The following NALF1 variants were observed in gnomAD, a reference collection of about 807,000 sequenced individuals.
NALF1 encodes NALCN channel auxiliary factor 1.
Under a neutral mutation model 48.4 loss-of-function variants are expected in NALF1, and 3 were observed. That is an observed-to-expected ratio of 0.06 (90% CI 0.03 to 0.16). NALF1 has a LOEUF of 0.16. Ranked by LOEUF, NALF1 falls within the 10% of genes least tolerant of loss-of-function variation. The probability of loss-of-function intolerance (pLI) is 1.00; values close to 1 mark genes in which losing one functional copy is unlikely to be tolerated. For missense variants in NALF1, 526 were observed against 571.5 expected (o/e 0.92, Z 0.81); for synonymous variants, 262 against 245.7 (o/e 1.07, Z -0.62).
intron 1 of NALF1, among the ~76,000 whole-genome samples, chr13:107,707,346 G>C (rs534814861): frequency 2.0e-5 from 3 of 152,302 alleles, no homozygotes; most frequent in African/African-American, 7.2e-5. Context: ...AAGTGGTAAA[G>C]GGATTTAAGT....
intron 1 of NALF1, among the ~76,000 whole-genome samples, chr13:107,630,086 CCAT>C (rs1383135309): frequency 6.6e-6 from 1 of 152,072 alleles, no homozygotes; most frequent in Non-Finnish European, 1.5e-5. Context: ...GCCAGGTGTT[CCAT>C]TATTGGAACA....
At chr13:107,406,898 T>C in intron 1 of NALF1, among the ~76,000 whole-genome samples, 1 of 152,104 alleles carries the variant, frequency 6.6e-6, no homozygotes, top group African/African-American at 2.4e-5. Flanking sequence ...CAAAACAGCA[T>C]GGGACTGGTA....
At chr13:107,547,164 C>T (rs575369582) in intron 1 of NALF1, among the ~76,000 whole-genome samples, 3 of 152,290 alleles carry the variant, frequency 2.0e-5, no homozygotes, top group African/African-American at 7.2e-5. Flanking sequence ...CAAATAACAA[C>T]ATTCATTCTT....
Position 107,277,400 on chromosome 13 carries a change from T to C in NALF1, c.916-66645A>G, listed in dbSNP as rs572923633. ...TTCTCTCAGGAAAGAAAGCATGACA[T>C]ATTCAATTTCTACTCTAGGCAATTT... is the stretch of plus-strand genomic sequence containing the variant. On this transcript the variant is annotated intron_variant, in intron 1 of 2. Transcript: ENST00000375915. Among the ~76,000 whole-genome samples, 52 of 152,306 alleles carry C rather than the reference T, an allele frequency of 3.4e-4. 1 individual carries two copies. The South Asian group carries it at 0.011, about 32-fold the overall frequency.
At chr13:107,596,498 T>C (rs1878754332) in intron 1 of NALF1, among the ~76,000 whole-genome samples, 1 of 152,116 alleles carries the variant, frequency 6.6e-6, no homozygotes, top group Non-Finnish European at 1.5e-5. Flanking sequence ...GCCACAAAAA[T>C]GTATGAGTTC....
At chr13:107,737,416 T>G (rs1476060452) in intron 1 of NALF1, among the ~76,000 whole-genome samples, 1 of 152,234 alleles carries the variant, frequency 6.6e-6, no homozygotes, top group Non-Finnish European at 1.5e-5. Context: ...GCATCAGATA[T>G]TCTCACTTGA....
chr13:107,299,361 C>A (rs1290957953), intron 1 of NALF1, among the ~76,000 whole-genome samples: 1 of 151,438 alleles, frequency 6.6e-6, no homozygotes, highest in African/African-American at 2.4e-5. Flanking sequence ...AACTGGCACC[C>A]AGGAGGCGGA....
intron 1 of NALF1, among the ~76,000 whole-genome samples, chr13:107,399,597 T>C (rs1883769730): frequency 6.6e-6 from 1 of 152,044 alleles, no homozygotes; most frequent in African/African-American, 2.4e-5. Flanking sequence ...ATCCTAATCC[T>C]TTTACCTACA....
intron 1 of NALF1, among the ~76,000 whole-genome samples, chr13:107,692,899 A>T (rs1881599250): frequency 6.6e-6 from 1 of 152,186 alleles, no homozygotes; most frequent in South Asian, 2.1e-4. Context: ...GATAAAAAAT[A>T]ACAGTATACT....
At chr13:107,325,895 C>T (rs1482050937) in intron 1 of NALF1, among the ~76,000 whole-genome samples, 3 of 112,966 alleles carry the variant, frequency 2.7e-5, no homozygotes, top group Admixed American at 9.2e-5. Context: ...TATACACACA[C>T]ACACACACAC....
chr13:107,439,719 G>C (rs980233944), intron 1 of NALF1, among the ~76,000 whole-genome samples: 1 of 152,096 alleles, frequency 6.6e-6, no homozygotes, highest in Admixed American at 6.6e-5. Context: ...AGGTAAACCA[G>C]AGTCACTCCA....
At chr13:107,672,434 A>T (rs1881014137) in intron 1 of NALF1, among the ~76,000 whole-genome samples, 1 of 152,124 alleles carries the variant, frequency 6.6e-6, no homozygotes, top group Admixed American at 6.5e-5. Flanking sequence ...CTCCCTGTAG[A>T]CACGGTGGTG....
chr13:107,353,556 T>C (rs961495574), intron 1 of NALF1, among the ~76,000 whole-genome samples: 2 of 152,232 alleles, frequency 1.3e-5, no homozygotes, highest in African/African-American at 2.4e-5. Flanking sequence ...TTCATAATAA[T>C]GTCGAAATTC....
Position 107,398,193 on chromosome 13 carries a change from G to A in NALF1, c.916-187438C>T, listed in dbSNP as rs144395350. Among the ~76,000 whole-genome samples, 345 of 152,106 alleles carry A rather than the reference G, an allele frequency of 2.3e-3. 1 individual carries two copies. The highest frequency in any genetic ancestry group is 3.1e-3 in the Non-Finnish European group (212 of 67,984). On this transcript the variant is annotated intron_variant, in intron 1 of 2. Transcript: ENST00000375915. Reference sequence around the variant, plus strand: ...TTTAGAATCTTGCTCCTTGCAAAACGATCATTGCTTACGTATTTTCTTATT... The same window carrying A: ...TTTAGAATCTTGCTCCTTGCAAAACAATCATTGCTTACGTATTTTCTTATT...
At chr13:107,403,046 T>C (rs1883835768) in intron 1 of NALF1, among the ~76,000 whole-genome samples, 1 of 152,006 alleles carries the variant, frequency 6.6e-6, no homozygotes. Context: ...ACCATCAAGA[T>C]GTGCCCAGGT....
At chr13:107,438,885 A>T (rs1442700319) in intron 1 of NALF1, among the ~76,000 whole-genome samples, 6 of 144,810 alleles carry the variant, frequency 4.1e-5, no homozygotes, top group African/African-American at 7.5e-5. Context: ...TTTGATTTTT[A>T]AAAAAGACTA....
intron 1 of NALF1, among the ~76,000 whole-genome samples, chr13:107,862,377 T>A (rs1314995067): frequency 6.6e-6 from 1 of 152,178 alleles, no homozygotes; most frequent in African/African-American, 2.4e-5. Context: ...CATTTTTTAA[T>A]ATTGTCGAAC....
At chr13:107,784,296 C>T (rs1056333159) in intron 1 of NALF1, among the ~76,000 whole-genome samples, 3 of 152,180 alleles carry the variant, frequency 2.0e-5, no homozygotes, top group Admixed American at 2.0e-4. Context: ...AAACCGCATG[C>T]TGCAGGTAAC....
intron 2 of NALF1, among the ~76,000 whole-genome samples, chr13:107,209,180 G>A (rs1054034714): frequency 1.3e-5 from 2 of 152,142 alleles, no homozygotes; most frequent in Admixed American, 6.5e-5. Flanking sequence ...CTTCAGTCAC[G>A]TGTTCTTTCC....
Sources: allele counts gnomAD v4.1 joint callset (sites outside exome capture counted in the v4.1 genomes callset), GRCh38; gene constraint gnomAD v4.1.1; transcripts MANE v1.5; gene names NCBI Gene and HGNC (gene_info 2026-07-23, HGNC 2026-07-21).